Variants in CRPPA observed in about 807,000 individuals in gnomAD.
The protein encoded by CRPPA is D-ribitol-5-phosphate cytidylyltransferase.
CRPPA carries 43 observed loss-of-function variants against 52.0 expected under a neutral mutation model. That is an observed-to-expected ratio of 0.83 (90% CI 0.65 to 1.07). CRPPA has a LOEUF of 1.07. Ranked by LOEUF, CRPPA falls within the 50% of genes least tolerant of loss-of-function variation. The probability of loss-of-function intolerance (pLI) is 0.00; values close to 1 mark genes in which losing one functional copy is unlikely to be tolerated. For synonymous variants in CRPPA, 250 were observed against 203.5 expected (o/e 1.23, Z -1.94); for missense variants, 629 against 551.7 (o/e 1.14, Z -1.40).
chr7:16,379,057 T>G (rs1386918533), intron 2 of CRPPA, among the ~76,000 whole-genome samples: 2 of 152,236 alleles, frequency 1.3e-5, no homozygotes, highest in African/African-American at 4.8e-5. Context: ...TTTTGTAGGT[T>G]GCCTGTTCGC....
chr7:16,166,897 T>C (rs1781077398), intron 9 of CRPPA, among the ~76,000 whole-genome samples: 1 of 151,436 alleles, frequency 6.6e-6, no homozygotes, highest in Admixed American at 6.6e-5. Context: ...GTGCAACCTC[T>C]TCAAGAAAGC....
At chr7:16,256,166 T>C (rs1051291371) in intron 8 of CRPPA, among the ~76,000 whole-genome samples, 13 of 152,154 alleles carry the variant, frequency 8.5e-5, no homozygotes, top group African/African-American at 2.9e-4. Flanking sequence ...AGAAGACACT[T>C]ATGTAGCCAA....
At chr7:16,255,781 C>G (rs1188708753) in intron 8 of CRPPA, among the ~76,000 whole-genome samples, 1 of 152,066 alleles carries the variant, frequency 6.6e-6, no homozygotes, top group Admixed American at 6.6e-5. Flanking sequence ...ATGCCTTATA[C>G]AAAAATTAAC....
Position 16,089,824 on chromosome 7 carries a change from G to C in CRPPA, c.*1871C>G, listed in dbSNP as rs1781798509. 2 of 168,768 alleles carry C rather than the reference G, an allele frequency of 1.2e-5. No individual in the cohort carries two copies. Among genetic ancestry groups the C allele is most frequent in the Admixed American group, 5.6e-5 (1 of 17,982 alleles). The allele number at this position is 168,768 out of a possible 1,614,324, so 10.5% of individuals were successfully genotyped here. A position where few individuals can be genotyped will look rare whatever the true frequency, so the allele number is the denominator to read the frequency against. The stretch of plus-strand genomic sequence containing the variant: ...TAGGATTCCTTAAGCTGAAGTCTAT[G>C]TTAACTCAGCCAGCACTCCAGCGAT... On this transcript the variant is annotated 3_prime_UTR_variant, in exon 10 of 10. Transcript: ENST00000407010.
At chr7:16,380,106 G>T (rs1787035444) in intron 2 of CRPPA, among the ~76,000 whole-genome samples, 1 of 150,632 alleles carries the variant, frequency 6.6e-6, no homozygotes, top group South Asian at 2.1e-4. Context: ...TGCCCATTCA[G>T]TATGATATTG....
At chr7:16,201,023 C>T (rs1271515382) in intron 9 of CRPPA, among the ~76,000 whole-genome samples, 1 of 151,992 alleles carries the variant, frequency 6.6e-6, no homozygotes, top group Non-Finnish European at 1.5e-5. Flanking sequence ...AATTGCAACA[C>T]ACATATGAAT....
chr7:16,232,269 T>A (rs893158845), intron 8 of CRPPA, among the ~76,000 whole-genome samples: 3 of 152,320 alleles, frequency 2.0e-5, no homozygotes, highest in African/African-American at 7.2e-5. Context: ...TAAAACCTAA[T>A]TGCCACTGTA....
chr7:16,257,771 C>G (rs62440450), intron 8 of CRPPA, among the ~76,000 whole-genome samples: 55,567 of 151,836 alleles, frequency 0.37, 10,570 homozygotes, highest in Admixed American at 0.46. Flanking sequence ...ATTTAGAGGA[C>G]TTGGGCTCTG....
rs371027079 is a variant in CRPPA at position 16,187,150 on chromosome 7, G to A, written c.1251+28916C>T. Reference sequence around the variant, plus strand: ...TCACTAAAAACTGAAACAAAGATAAGGTTTTCTTTCCTCAAGTATTACCCC... The same window carrying A: ...TCACTAAAAACTGAAACAAAGATAAAGTTTTCTTTCCTCAAGTATTACCCC... On this transcript the variant is annotated intron_variant, in intron 9 of 9. Transcript: ENST00000407010. Among the ~76,000 whole-genome samples the A allele has an allele frequency of 5.3e-5, 8 of 152,074 alleles. 1 individual carries two copies. Among genetic ancestry groups the A allele is most frequent in the African/African-American group, 1.9e-4 (8 of 41,490 alleles).
intron 3 of CRPPA, among the ~76,000 whole-genome samples, chr7:16,355,365 G>C (rs1562650556): frequency 1.3e-5 from 2 of 152,116 alleles, no homozygotes; most frequent in African/African-American, 4.8e-5. Context: ...CATCATTACA[G>C]TGATTGACCC....
chr7:16,122,181 G>A (rs1421119806), intron 9 of CRPPA, among the ~76,000 whole-genome samples: 12 of 151,958 alleles, frequency 7.9e-5, no homozygotes, highest in Admixed American at 6.6e-4. Flanking sequence ...TATAGAACAC[G>A]CACAATCAAA....
At chr7:16,378,655 T>C (rs1786979516) in intron 2 of CRPPA, among the ~76,000 whole-genome samples, 1 of 151,542 alleles carries the variant, frequency 6.6e-6, no homozygotes, top group Non-Finnish European at 1.5e-5. Context: ...CAAATGGTAT[T>C]TCTAGTTCTA....
intron 3 of CRPPA, among the ~76,000 whole-genome samples, chr7:16,340,663 C>T (rs1200824362): frequency 1.3e-5 from 2 of 150,968 alleles, no homozygotes; most frequent in Non-Finnish European, 3.0e-5. Flanking sequence ...GGCAAGAATC[C>T]AGAATAGTAC....
chr7:16,382,324 C>G (rs947218477), intron 2 of CRPPA, among the ~76,000 whole-genome samples: 5 of 152,246 alleles, frequency 3.3e-5, no homozygotes, highest in Admixed American at 6.5e-5. Context: ...TTGGCCCCCA[C>G]TCTCTTCTGG....
chr7:16,419,642 T>G (rs898260040), intron 1 of CRPPA, among the ~76,000 whole-genome samples: 1 of 152,008 alleles, frequency 6.6e-6, no homozygotes, highest in Non-Finnish European at 1.5e-5. Flanking sequence ...GACCCTTCAC[T>G]CCATGAATCA....
At position 16,402,731 on chromosome 7, in the gene CRPPA, T is replaced by C. The variant is rs560917079; in HGVS notation, c.534+3330A>G. Among the ~76,000 whole-genome samples the C allele has an allele frequency of 8.6e-5, 13 of 150,892 alleles. No individual in the cohort carries two copies. In the South Asian group the frequency reaches 2.7e-3, roughly 31 times the overall value. On this transcript the variant is annotated intron_variant, in intron 2 of 9. Transcript: ENST00000407010. ...AAAAAAATGAGAAATTGGAAACAAG[T>C]TACCTAGGATGCAGCATACAAAAAC...
intron 9 of CRPPA, among the ~76,000 whole-genome samples, chr7:16,100,610 G>C (rs1439006043): frequency 6.6e-6 from 1 of 152,162 alleles, no homozygotes. Context: ...GAGACAATTT[G>C]ACTTCCTCTC....
chr7:16,318,629 T>G (rs1378786949), intron 3 of CRPPA, among the ~76,000 whole-genome samples: 2 of 152,150 alleles, frequency 1.3e-5, no homozygotes. Flanking sequence ...CTCTGCTCCT[T>G]GGGTTTACTC....
chr7:16,369,815 A>G (rs917709749), intron 3 of CRPPA, among the ~76,000 whole-genome samples: 3 of 152,178 alleles, frequency 2.0e-5, no homozygotes, highest in African/African-American at 4.8e-5. Context: ...GAAAAATACA[A>G]AAGAATCCAC....
Sources: gnomAD v4.1 joint callset for allele counts (sites outside exome capture counted in the v4.1 genomes callset) on GRCh38, gnomAD v4.1.1 for gene constraint, MANE v1.5 for transcripts, NCBI Gene and HGNC (gene_info 2026-07-23, HGNC 2026-07-21) for gene names.